Variants in RASA3 observed in about 807,000 individuals in gnomAD.
RASA3 encodes the protein ras GTPase-activating protein 3.
A neutral mutation model predicts 110.0 loss-of-function variants in RASA3; 73 were observed. That is an observed-to-expected ratio of 0.66 (90% confidence interval 0.55 to 0.81). The LOEUF (loss-of-function observed/expected upper bound fraction) is 0.81, where lower values mean the gene tolerates loss of function less well. RASA3 is among the 30% of genes least tolerant of loss of function. The pLI is 0.00. For missense variants in RASA3, 976 were observed against 1,113.2 expected (o/e 0.88, Z 1.75); for synonymous variants, 500 against 451.4 (o/e 1.11, Z -1.37).
In RASA3 at chr13:114,080,675, G is replaced by GGGGTCTCCCCCAGGGGCCACTGAAAC. The variant is rs2079770018; in HGVS notation, c.56-6864_56-6839dup. ...CCTGACCCCGACAACGGCTGAAACA[G>GGGGTCTCCCCCAGGGGCCACTGAAAC]GGGTCTCCCCCAGGGGCCACTGAAA... On this transcript the variant is annotated intron_variant, in intron 1 of 23. Coordinates refer to ENST00000334062, the MANE Select transcript of RASA3 (RefSeq NM_007368.4). 5.4e-5 allele frequency among the ~76,000 whole-genome samples: 7 copies of GGGGTCTCCCCCAGGGGCCACTGAAAC among 128,820 alleles called. 1 individual carries two copies. Among genetic ancestry groups the GGGGTCTCCCCCAGGGGCCACTGAAAC allele is most frequent in the African/African-American group, 2.7e-4 (7 of 25,534 alleles). 84.5% of individuals were successfully genotyped at this position (128,820 alleles called of 152,430 possible).
At chr13:114,006,139 A>C (rs1277662196) in intron 18 of RASA3, among the ~76,000 whole-genome samples, 1 of 1,132 alleles carries the variant, frequency 8.8e-4, no homozygotes, top group Admixed American at 9.3e-3. Flanking sequence ...ATGCCACCTT[A>C]CCCTTCTCCC....
At chr13:114,053,274 G>C (rs112860488) in intron 2 of RASA3, among the ~76,000 whole-genome samples, 4 of 151,948 alleles carry the variant, frequency 2.6e-5, no homozygotes, top group Non-Finnish European at 5.9e-5. Flanking sequence ...CCGCCCCACA[G>C]AGGAGACTTG....
intron 7 of RASA3, among the ~76,000 whole-genome samples, chr13:114,026,186 C>T (rs2054022224): frequency 6.6e-6 from 1 of 152,012 alleles, no homozygotes; most frequent in African/African-American, 2.4e-5. Context: ...GATGAGCACC[C>T]GTGTGTGGCC....
intron 1 of RASA3, among the ~76,000 whole-genome samples, chr13:114,082,473 G>A (rs1013071846): frequency 3.3e-5 from 5 of 152,236 alleles, no homozygotes; most frequent in Non-Finnish European, 7.3e-5. Flanking sequence ...CACGGACAGT[G>A]GGCAAACCTC....
intron 2 of RASA3, among the ~76,000 whole-genome samples, chr13:114,072,621 G>C (rs547483201): frequency 1.9e-3 from 289 of 152,300 alleles, no homozygotes; most frequent in Non-Finnish European, 3.5e-3. Context: ...GTCCACGCAG[G>C]GGGACCGCCG....
intron 4 of RASA3, among the ~76,000 whole-genome samples, chr13:114,030,568 G>A (rs1295832106): frequency 6.6e-6 from 1 of 151,474 alleles, no homozygotes; most frequent in Non-Finnish European, 1.5e-5. Context: ...CAAGGCTCAC[G>A]GGGGCTTCTA....
intron 1 of RASA3, among the ~76,000 whole-genome samples, chr13:114,094,044 G>A (rs2079916322): frequency 6.6e-6 from 1 of 151,876 alleles, no homozygotes; most frequent in Admixed American, 6.6e-5. Flanking sequence ...ATCATGTTAG[G>A]GCCCGTCTCT....
chr13:114,021,347 C>T lies in RASA3; in HGVS notation c.785+57G>A, dbSNP rs2053923304. On this transcript the variant is annotated intron_variant, in intron 9 of 23. Coordinates refer to ENST00000334062, the MANE Select transcript of RASA3 (RefSeq NM_007368.4). ...TCTGTGCCTTTCCACTCAGAGGCAGCACGTGTTTTTGTGGCTCTCAGAGAT... is the reference window on the plus strand; with the variant it reads ...TCTGTGCCTTTCCACTCAGAGGCAGTACGTGTTTTTGTGGCTCTCAGAGAT... 4 of 1,490,948 alleles carry T rather than the reference C, an allele frequency of 2.7e-6. No individual in the cohort carries two copies. In the Admixed American group the frequency reaches 6.8e-5, roughly 25 times the overall value. 92.4% of individuals were successfully genotyped at this position (1,490,948 alleles called of 1,614,324 possible).
At chr13:114,028,593 G>A (rs2054080974) in intron 5 of RASA3, among the ~76,000 whole-genome samples, 2 of 150,198 alleles carry the variant, frequency 1.3e-5, no homozygotes, top group African/African-American at 4.9e-5. Context: ...GCATCATCCT[G>A]GGGCAACCTC....
Position 114,027,025 on chromosome 13 carries a change from C to A in RASA3, c.603+364G>T, listed in dbSNP as rs560151532. 1.7e-3 allele frequency among the ~76,000 whole-genome samples: 263 copies of A among 152,338 alleles called. 3 individuals are homozygous for A. The highest frequency in any genetic ancestry group is 6.0e-3 in the African/African-American group (251 of 41,580). The stretch of plus-strand genomic sequence containing the variant: ...TGCTTGGGCAGAGCAGCCAAAAAAA[C>A]AAAAACCCCCAAGGTCCTGGTAATT... On this transcript the variant is annotated intron_variant, in intron 7 of 23. Transcript: ENST00000334062.
At chr13:114,000,527 G>A (rs2053370390) in intron 19 of RASA3, among the ~76,000 whole-genome samples, 1 of 152,190 alleles carries the variant, frequency 6.6e-6, no homozygotes, top group Admixed American at 6.5e-5. Context: ...CCATGACGAG[G>A]CGACCAGAGG....
intron 21 of RASA3, among the ~76,000 whole-genome samples, chr13:113,993,325 A>G (rs2053160749): frequency 1.3e-5 from 2 of 151,878 alleles, no homozygotes; most frequent in African/African-American, 4.8e-5. Context: ...ATAGGCACAC[A>G]CCACCACGCC....
chr13:114,054,236 CTT>C lies in RASA3; in HGVS notation c.174-2083_174-2082del, dbSNP rs925266121. ...TTATATACAGAATATATAAAGAACTCTTATGACTCAATAAATGATGACAAATA... is the reference window on the plus strand; with the variant it reads ...TTATATACAGAATATATAAAGAACTCATGACTCAATAAATGATGACAAATA... On this transcript the variant is annotated intron_variant, in intron 2 of 23. Transcript: ENST00000334062. Among the ~76,000 whole-genome samples, 6 of 152,312 alleles carry C rather than the reference CTT, an allele frequency of 3.9e-5. No homozygotes were observed. In the South Asian group the frequency reaches 1.0e-3, roughly 26 times the overall value.
At chr13:114,012,321 G>A (rs2139246281) in intron 15 of RASA3, among the ~76,000 whole-genome samples, 2 of 150,514 alleles carry the variant, frequency 1.3e-5, no homozygotes, top group East Asian at 3.9e-4. Context: ...CACTCCCCAC[G>A]CACCGTCCAC....
rs573166612 is a variant in RASA3, at chr13:113,989,522, G to A, written c.2245+2963C>T. ...CCATCCACCCATCACTCACCCATCC[G>A]TCCATCCACCATCACTCACCCATCC... On this transcript the variant is annotated intron_variant, in intron 22 of 23. Coordinates refer to ENST00000334062, the MANE Select transcript of RASA3 (RefSeq NM_007368.4). Among the ~76,000 whole-genome samples the A allele has an allele frequency of 8.0e-5, 9 of 113,082 alleles. No individual in the cohort carries two copies. The South Asian group carries it at 1.9e-3, about 24-fold the overall frequency. 74.2% of individuals were successfully genotyped at this position (113,082 alleles called of 152,430 possible).
chr13:114,020,845 G>A (rs899536177), intron 9 of RASA3, among the ~76,000 whole-genome samples: 2 of 152,208 alleles, frequency 1.3e-5, no homozygotes, highest in African/African-American at 4.8e-5. Context: ...GCTGCCGAGG[G>A]CCCAGAACAA....
At chr13:114,092,838 G>A (rs1422369648) in intron 1 of RASA3, among the ~76,000 whole-genome samples, 1 of 152,086 alleles carries the variant, frequency 6.6e-6, no homozygotes, top group East Asian at 1.9e-4. Context: ...ATATATCGGG[G>A]TGCTCTGGTA....
At chr13:114,020,277 T>C (rs1056956451) in intron 9 of RASA3, among the ~76,000 whole-genome samples, 2 of 151,750 alleles carry the variant, frequency 1.3e-5, no homozygotes, top group African/African-American at 4.8e-5. Flanking sequence ...CCCGGTCAGG[T>C]GGGTGGAGCC....
At chr13:113,981,957 C>A (rs935562175) in intron 22 of RASA3, 99 bp from the exon 23 acceptor site, 2 of 1,068,736 alleles carry the variant, frequency 1.9e-6, no homozygotes, top group African/African-American at 1.6e-5. Flanking sequence ...CAGTACACAT[C>A]CTTCCAACGC....
Sources: allele counts gnomAD v4.1 joint callset (sites outside exome capture counted in the v4.1 genomes callset), GRCh38; gene constraint gnomAD v4.1.1; transcripts MANE v1.5; gene names NCBI Gene and HGNC (gene_info 2026-07-23, HGNC 2026-07-21).